Variants in OR6N1 observed in about 807,000 individuals in gnomAD.
OR6N1 encodes the protein olfactory receptor family 6 subfamily N member 1.
For missense variants in OR6N1, 394 were observed against 371.7 expected (o/e 1.06, Z -0.49); for synonymous variants, 170 against 150.7 (o/e 1.13, Z -0.94).
chr1:158,801,292 G>A, the OR6N1 span, among the ~76,000 whole-genome samples: 5 of 151,854 alleles, frequency 3.3e-5, no homozygotes, highest in Non-Finnish European at 5.9e-5. Flanking sequence ...GTTAAATGCC[G>A]GGGTTTTTTT....
chr1:158,832,304 T>C, the OR6N1 span, among the ~76,000 whole-genome samples: 1 of 152,120 alleles, frequency 6.6e-6, no homozygotes, highest in East Asian at 1.9e-4. Context: ...TTATAAACGT[T>C]GGATTCCAAA....
the OR6N1 span, among the ~76,000 whole-genome samples, chr1:158,825,540 A>C: frequency 6.6e-6 from 1 of 152,212 alleles, no homozygotes; most frequent in Non-Finnish European, 1.5e-5. Context: ...AACATCACTA[A>C]TAATTAGAGA....
the OR6N1 span, among the ~76,000 whole-genome samples, chr1:158,837,316 C>A: frequency 1.3e-5 from 2 of 151,776 alleles, no homozygotes; most frequent in African/African-American, 4.8e-5. Flanking sequence ...ATTAAAGTCT[C>A]TTACTATTAC....
the OR6N1 span, among the ~76,000 whole-genome samples, chr1:158,801,422 A>G: frequency 6.6e-6 from 1 of 152,166 alleles, no homozygotes; most frequent in Non-Finnish European, 1.5e-5. Context: ...GAACAGACAA[A>G]GTACATTTTA....
the OR6N1 span, among the ~76,000 whole-genome samples, chr1:158,784,906 T>G: frequency 2.0e-5 from 3 of 152,170 alleles, no homozygotes; most frequent in Non-Finnish European, 2.9e-5. Flanking sequence ...ATAAATAAAA[T>G]CAGTATATCA....
the OR6N1 span, among the ~76,000 whole-genome samples, chr1:158,809,612 C>A: frequency 1.3e-5 from 2 of 152,042 alleles, no homozygotes; most frequent in African/African-American, 4.8e-5. Context: ...GATTTTCTCC[C>A]CTATTCCACC....
chr1:158,770,840 G>A (rs937010370), intron 1 of OR6N1, among the ~76,000 whole-genome samples: 1 of 152,134 alleles, frequency 6.6e-6, no homozygotes, highest in African/African-American at 2.4e-5. Flanking sequence ...TACAGCACTG[G>A]AAGCTTCCTG....
chr1:158,839,965 A>T, the OR6N1 span, among the ~76,000 whole-genome samples: 5 of 152,188 alleles, frequency 3.3e-5, no homozygotes, highest in African/African-American at 1.2e-4. Flanking sequence ...GACCAGATAC[A>T]AAATTTTAGT....
the OR6N1 span, among the ~76,000 whole-genome samples, chr1:158,836,421 C>T: frequency 1.3e-5 from 2 of 151,792 alleles, no homozygotes; most frequent in South Asian, 2.1e-4. Context: ...AATGACTGTT[C>T]GGATTTTCTA....
chr1:158,777,747 A>C, the OR6N1 span: 15 of 662,554 alleles, frequency 2.3e-5, no homozygotes, highest in Non-Finnish European at 3.7e-5. Context: ...GTAGCACTGA[A>C]ATTACTACTG....
the OR6N1 span, chr1:158,777,596 A>G: frequency 6.2e-7 from 1 of 1,613,976 alleles, no homozygotes; most frequent in Non-Finnish European, 8.5e-7. Flanking sequence ...AAGCCAAGGA[A>G]CACAAATTCA....
At chr1:158,810,824 T>C in the OR6N1 span, among the ~76,000 whole-genome samples, 2 of 152,202 alleles carry the variant, frequency 1.3e-5, no homozygotes, top group Non-Finnish European at 2.9e-5. Context: ...GAGTAAATAA[T>C]ATGTGTGTCC....
chr1:158,820,938 G>T, the OR6N1 span, among the ~76,000 whole-genome samples: 11 of 152,150 alleles, frequency 7.2e-5, no homozygotes, highest in Non-Finnish European at 1.5e-4. Flanking sequence ...ATATGAAAAA[G>T]AACTGTGATT....
the OR6N1 span, among the ~76,000 whole-genome samples, chr1:158,818,099 C>G: frequency 6.6e-6 from 1 of 152,182 alleles, no homozygotes; most frequent in African/African-American, 2.4e-5. Context: ...TTTATCCACT[C>G]TGGACTATTA....
At chr1:158,819,725 A>T in the OR6N1 span, among the ~76,000 whole-genome samples, 1 of 152,202 alleles carries the variant, frequency 6.6e-6, no homozygotes, top group Admixed American at 6.5e-5. Context: ...GCCTGTCTGC[A>T]CATCTCAGCT....
At chr1:158,808,176 C>G in the OR6N1 span, among the ~76,000 whole-genome samples, 5 of 132,654 alleles carry the variant, frequency 3.8e-5, no homozygotes, top group East Asian at 6.8e-4. Context: ...CTTGCTCTGT[C>G]GCCCAGGCTG....
At chr1:158,832,636 G>A in the OR6N1 span, among the ~76,000 whole-genome samples, 1 of 151,320 alleles carries the variant, frequency 6.6e-6, no homozygotes, top group Admixed American at 6.6e-5. Context: ...CTTTTTCCAA[G>A]TTGCATACTT....
chr1:158,819,803 G>T, the OR6N1 span, among the ~76,000 whole-genome samples: 1 of 152,140 alleles, frequency 6.6e-6, no homozygotes, highest in Non-Finnish European at 1.5e-5. Flanking sequence ...ACTACTAAAA[G>T]ACAAAACCAC....
the OR6N1 span, among the ~76,000 whole-genome samples, chr1:158,794,984 A>T: frequency 6.6e-6 from 1 of 152,152 alleles, no homozygotes; most frequent in Non-Finnish European, 1.5e-5. Context: ...ATCTTTATAC[A>T]TAGTGTTACG....
Sources: allele counts gnomAD v4.1 joint callset (sites outside exome capture counted in the v4.1 genomes callset), GRCh38; gene constraint gnomAD v4.1.1; transcripts MANE v1.5; gene names NCBI Gene and HGNC (gene_info 2026-07-23, HGNC 2026-07-21).